CACNA2D3: variants seen among roughly 807,000 people sequenced by gnomAD.
The protein encoded by CACNA2D3 is voltage-dependent calcium channel subunit alpha-2/delta-3.
CACNA2D3 carries 60 observed loss-of-function variants against 160.6 expected under a neutral mutation model. The observed-to-expected ratio is 0.37, with a 90% CI of 0.30 to 0.46. The LOEUF is 0.46. CACNA2D3 is among the 20% of genes least tolerant of loss of function. The pLI is 1.00. For missense variants in CACNA2D3, 1,205 were observed against 1,365.0 expected, an observed-to-expected ratio of 0.88 and a Z score of 1.85; for synonymous variants, 558 against 492.9, an observed-to-expected ratio of 1.13 and a Z score of -1.75.
intron 35 of CACNA2D3, among the ~76,000 whole-genome samples, chr3:55,068,158 C>A (rs1416932105): frequency 1.2e-4 from 18 of 152,230 alleles, no homozygotes; most frequent in Non-Finnish European, 7.3e-5. Flanking sequence ...AGCCAGCACA[C>A]ACTTGCCTTA....
At chr3:54,832,644 T>C (rs1293251945) in intron 14 of CACNA2D3, among the ~76,000 whole-genome samples, 1 of 152,248 alleles carries the variant, frequency 6.6e-6, no homozygotes, top group Non-Finnish European at 1.5e-5. Context: ...ATTTTCACTT[T>C]AGTTCATGCT....
intron 4 of CACNA2D3, among the ~76,000 whole-genome samples, chr3:54,424,000 C>G (rs1015867395): frequency 6.6e-6 from 1 of 151,844 alleles, no homozygotes; most frequent in African/African-American, 2.4e-5. Flanking sequence ...CAAGGGAGCA[C>G]AGCTCAGCCT....
At position 55,073,773 on chromosome 3, in the gene CACNA2D3, C is replaced by T; in HGVS notation, c.3101-4C>T. 6.2e-7 allele frequency: 1 copy of T among 1,611,454 alleles called. No individual in the cohort carries two copies. The highest frequency in any genetic ancestry group is 8.5e-7 in the Non-Finnish European group (1 of 1,177,958). ...CTTGGAAACATGCCTTAACTACAGT[C>T]AACATAATGAATCCCTTAAGTGTGA... On this transcript the variant is annotated splice_region_variant and splice_polypyrimidine_tract_variant and intron_variant, in intron 36 of 37. Transcript: ENST00000474759.
intron 17 of CACNA2D3, among the ~76,000 whole-genome samples, chr3:54,865,557 G>A (rs2106809225): frequency 6.6e-6 from 1 of 152,382 alleles, no homozygotes; most frequent in African/African-American, 2.4e-5. Flanking sequence ...CAAAGGGGAG[G>A]AGGCCCTCAC....
rs773480701 is a variant in CACNA2D3, at chr3:54,752,581, C to T, written c.1168-18C>T. ...GAAAAGTGAATGCCGCTCAGCCATG[C>T]GTTTGTCTTCCCTTCAGGTTCGCAT... On this transcript the variant is annotated intron_variant, in intron 11 of 37. Transcript: ENST00000474759. The T allele has an allele frequency of 7.5e-6, 12 of 1,601,412 alleles. No homozygotes were observed. The highest frequency in any genetic ancestry group is 3.3e-5 in the South Asian group (3 of 90,048).
chr3:54,575,235 G>C (rs1465937293), intron 8 of CACNA2D3, among the ~76,000 whole-genome samples: 4 of 152,188 alleles, frequency 2.6e-5, no homozygotes, highest in Non-Finnish European at 5.9e-5. Flanking sequence ...ATTTAATGGA[G>C]TCCCAGCAAT....
intron 4 of CACNA2D3, among the ~76,000 whole-genome samples, chr3:54,476,410 T>G (rs1428523589): frequency 6.6e-6 from 1 of 152,074 alleles, no homozygotes; most frequent in Admixed American, 6.6e-5. Context: ...TTACTCCCTT[T>G]TGATATACAC....
intron 5 of CACNA2D3, among the ~76,000 whole-genome samples, chr3:54,513,476 C>T: frequency 6.6e-6 from 1 of 152,190 alleles, no homozygotes; most frequent in East Asian, 1.9e-4. Context: ...GGAACCATTA[C>T]TAATTCCCAC....
Position 54,626,305 on chromosome 3 carries a change from C to T in CACNA2D3, c.964-1482C>T, listed in dbSNP as rs1441626570. The T allele has an allele frequency of 2.6e-6, 4 of 1,542,848 alleles. No homozygotes were observed. In the East Asian group the frequency reaches 7.2e-5, roughly 28 times the overall value. On this transcript the variant is annotated intron_variant, in intron 9 of 37. Coordinates refer to ENST00000474759, the MANE Select transcript of CACNA2D3 (RefSeq NM_018398.3). ...CCAGCTGCTGGACATGTCCTACAAG[C>T]GGCTGATGCCGCTGTACAGTGCGCG...
chr3:54,812,302 A>G (rs1465010), intron 13 of CACNA2D3, among the ~76,000 whole-genome samples: 18,971 of 152,262 alleles, frequency 0.12, 1,513 homozygotes, highest in East Asian at 0.28. Context: ...GCAGCATGGC[A>G]ATAACTTTGC....
intron 5 of CACNA2D3, among the ~76,000 whole-genome samples, chr3:54,548,920 A>G (rs1343000262): frequency 1.3e-5 from 2 of 152,194 alleles, no homozygotes; most frequent in Non-Finnish European, 2.9e-5. Flanking sequence ...CCTCATCCCA[A>G]TACAGGTTTT....
At chr3:54,668,572 T>C (rs2106893843) in intron 11 of CACNA2D3, among the ~76,000 whole-genome samples, 1 of 152,118 alleles carries the variant, frequency 6.6e-6, no homozygotes, top group African/African-American at 2.4e-5. Flanking sequence ...TGGCATTTGC[T>C]TTGTATCGGG....
chr3:54,559,280 T>A (rs1023600828), intron 5 of CACNA2D3, among the ~76,000 whole-genome samples: 3 of 152,100 alleles, frequency 2.0e-5, no homozygotes, highest in African/African-American at 7.2e-5. Context: ...CCCTTATTTT[T>A]TTTCCAACTT....
chr3:54,191,852 A>G (rs542190137), intron 2 of CACNA2D3, among the ~76,000 whole-genome samples: 8 of 152,184 alleles, frequency 5.3e-5, no homozygotes, highest in African/African-American at 1.2e-4. Flanking sequence ...CCGGTAGTCA[A>G]TGAAGGGCCC....
intron 16 of CACNA2D3, among the ~76,000 whole-genome samples, chr3:54,839,021 G>A (rs1698756493): frequency 6.6e-6 from 1 of 152,170 alleles, no homozygotes; most frequent in African/African-American, 2.4e-5. Context: ...ACTTTGGGAG[G>A]CCGATGCGGG....
At chr3:55,071,838 A>G (rs1051260079) in intron 35 of CACNA2D3, among the ~76,000 whole-genome samples, 2 of 152,164 alleles carry the variant, frequency 1.3e-5, no homozygotes, top group Non-Finnish European at 2.9e-5. Context: ...TTAATCTTCT[A>G]GTCAGCCATT....
intron 11 of CACNA2D3, among the ~76,000 whole-genome samples, chr3:54,647,937 C>T (rs372727089): frequency 5.9e-5 from 9 of 152,322 alleles, no homozygotes; most frequent in African/African-American, 2.2e-4. Context: ...CTCTTACACA[C>T]TTGGAATAAA....
chr3:54,881,624 C>T (rs984870131), intron 21 of CACNA2D3, among the ~76,000 whole-genome samples: 1 of 152,142 alleles, frequency 6.6e-6, no homozygotes, highest in African/African-American at 2.4e-5. Context: ...CTGAAGGGCA[C>T]CACTCCCTGA....
chr3:54,540,143 C>T (rs151199855), intron 5 of CACNA2D3, among the ~76,000 whole-genome samples: 1 of 152,314 alleles, frequency 6.6e-6, no homozygotes, highest in Non-Finnish European at 1.5e-5. Context: ...TGATTGTCCT[C>T]AGCATCCCTT....
Sources: allele counts gnomAD v4.1 joint callset (sites outside exome capture counted in the v4.1 genomes callset), GRCh38; gene constraint gnomAD v4.1.1; transcripts MANE v1.5; gene names NCBI Gene and HGNC (gene_info 2026-07-23, HGNC 2026-07-21).